ILRUN: variants seen among roughly 807,000 people sequenced by gnomAD.
ILRUN encodes the protein inflammation and lipid regulator with UBA-like and NBR1-like domains.
Under a neutral mutation model 33.8 loss-of-function variants are expected in ILRUN, and 3 were observed. The observed-to-expected ratio is 0.09, with a 90% CI of 0.04 to 0.23. ILRUN has a LOEUF of 0.23. Ranked by LOEUF, ILRUN falls within the 10% of genes least tolerant of loss-of-function variation. The probability of loss-of-function intolerance (pLI) is 1.00; values close to 1 mark genes in which losing one functional copy is unlikely to be tolerated. For synonymous variants in ILRUN, 124 were observed against 138.9 expected, an observed-to-expected ratio of 0.89 and a Z score of 0.75; for missense variants, 210 against 375.1, an observed-to-expected ratio of 0.56 and a Z score of 3.64.
At chr6:34,605,665 G>C (rs1404245942) in intron 4 of ILRUN, among the ~76,000 whole-genome samples, 1 of 152,004 alleles carries the variant, frequency 6.6e-6, no homozygotes, top group Non-Finnish European at 1.5e-5. Context: ...TAAAACTACT[G>C]GTCAGAAAAA....
chr6:34,643,319 G>A (rs541788244), intron 3 of ILRUN, among the ~76,000 whole-genome samples: 6 of 140,222 alleles, frequency 4.3e-5, no homozygotes, highest in Admixed American at 6.9e-5. Context: ...AAAAAAGTGC[G>A]TGTGTGTGTG....
intron 1 of ILRUN, among the ~76,000 whole-genome samples, chr6:34,673,262 C>T (rs1763153398): frequency 6.6e-6 from 1 of 151,970 alleles, no homozygotes; most frequent in Admixed American, 6.6e-5. Context: ...TAAAAGAAAC[C>T]CCAGGGGTGA....
chr6:34,683,453 C>CACATATATATATACAT (rs1763429748), intron 1 of ILRUN, among the ~76,000 whole-genome samples: 1 of 96,614 alleles, frequency 1.0e-5, no homozygotes, highest in Admixed American at 1.1e-4. Flanking sequence ...TATATATATA[C>CACATATATATATACAT]ATATATATAC....
intron 3 of ILRUN, among the ~76,000 whole-genome samples, chr6:34,625,469 AGAGT>A (rs1378792640): frequency 7.9e-5 from 12 of 152,316 alleles, no homozygotes; most frequent in African/African-American, 2.6e-4. Context: ...TCTGATGTGC[AGAGT>A]AGACACATGT....
chr6:34,673,029 A>T (rs1188286533), intron 1 of ILRUN, among the ~76,000 whole-genome samples: 1 of 152,232 alleles, frequency 6.6e-6, no homozygotes. Flanking sequence ...ATATTTCAAC[A>T]TTACCGCTGA....
At chr6:34,676,245 A>C (rs1224563275) in intron 1 of ILRUN, among the ~76,000 whole-genome samples, 2 of 151,950 alleles carry the variant, frequency 1.3e-5, no homozygotes. Flanking sequence ...CTCTACAAAA[A>C]AAAAAATGCT....
intron 4 of ILRUN, among the ~76,000 whole-genome samples, chr6:34,593,948 G>A (rs1761345044): frequency 6.6e-6 from 1 of 152,110 alleles, no homozygotes; most frequent in Non-Finnish European, 1.5e-5. Context: ...GACCATCGCG[G>A]TACCTTCTGG....
chr6:34,602,381 A>G (rs531400537), intron 4 of ILRUN, among the ~76,000 whole-genome samples: 1 of 152,234 alleles, frequency 6.6e-6, no homozygotes, highest in Non-Finnish European at 1.5e-5. Context: ...AATTACTGGC[A>G]TATAAGAAAA....
At chr6:34,648,067 C>G (rs1258290751) in intron 2 of ILRUN, among the ~76,000 whole-genome samples, 1 of 152,162 alleles carries the variant, frequency 6.6e-6, no homozygotes, top group Non-Finnish European at 1.5e-5. Flanking sequence ...GACTAGTTCC[C>G]ACTAGTCAAG....
chr6:34,667,915 A>G (rs1763037116), intron 1 of ILRUN, among the ~76,000 whole-genome samples: 1 of 152,212 alleles, frequency 6.6e-6, no homozygotes, highest in Admixed American at 6.5e-5. Flanking sequence ...CATTAAAAAA[A>G]GGAAGGTTGT....
chr6:34,663,939 AAG>A (rs551485608), intron 1 of ILRUN, among the ~76,000 whole-genome samples: 1 of 152,176 alleles, frequency 6.6e-6, no homozygotes, highest in South Asian at 2.1e-4. Context: ...TCACTTCCTT[AAG>A]AGTGGAAGAG....
chr6:34,608,460 G>A (rs2814976), intron 3 of ILRUN, among the ~76,000 whole-genome samples: 67,699 of 151,984 alleles, frequency 0.45, 17,030 homozygotes, highest in African/African-American at 0.69. Flanking sequence ...AAAAAATGAT[G>A]TACCTGCCTA....
chr6:34,602,374 T>G (rs1052904799), intron 4 of ILRUN, among the ~76,000 whole-genome samples: 7 of 152,188 alleles, frequency 4.6e-5, no homozygotes, highest in African/African-American at 2.4e-5. Flanking sequence ...TTTTAAAAAT[T>G]ACTGGCATAT....
chr6:34,690,178 G>A (rs996271739), intron 1 of ILRUN, among the ~76,000 whole-genome samples: 4 of 151,980 alleles, frequency 2.6e-5, no homozygotes, highest in Admixed American at 6.6e-5. Context: ...ATTAAAATGC[G>A]GGCCGGGCAT....
chr6:34,624,343 G>T (rs75613144), intron 3 of ILRUN, among the ~76,000 whole-genome samples: 2 of 150,026 alleles, frequency 1.3e-5, no homozygotes, highest in Admixed American at 6.6e-5. Context: ...TATTTTTTTT[G>T]ATGAAGTTTC....
At position 34,637,834 on chromosome 6, in the gene ILRUN, C is replaced by CTGTTGT. The variant is rs776588373; in HGVS notation, c.511+8761_511+8766dup. On this transcript the variant is annotated intron_variant, in intron 3 of 4. Coordinates refer to ENST00000374023, the MANE Select transcript of ILRUN (RefSeq NM_024294.4). ...TGAACAGTACAGTCATTTCACATTG[C>CTGTTGT]TGTTGTTGTTGCTGCTGCTGCTGCT... Among the ~76,000 whole-genome samples the CTGTTGT allele has an allele frequency of 3.3e-3, 492 of 148,434 alleles. 4 individuals are homozygous for CTGTTGT. Among genetic ancestry groups the CTGTTGT allele is most frequent in the African/African-American group, 0.012 (465 of 39,686 alleles).
Position 34,620,126 on chromosome 6 carries a change from G to A in ILRUN, c.512-13222C>T, listed in dbSNP as rs538187674. ...GAATAAAAATGAGTACCCTATAGCAGGAGGATGGGACTAGCTGAAGGGGGC... is the reference window on the plus strand; with the variant it reads ...GAATAAAAATGAGTACCCTATAGCAAGAGGATGGGACTAGCTGAAGGGGGC... On this transcript the variant is annotated intron_variant, in intron 3 of 4. Coordinates refer to ENST00000374023, the MANE Select transcript of ILRUN (RefSeq NM_024294.4). 2.0e-5 allele frequency among the ~76,000 whole-genome samples: 3 copies of A among 152,218 alleles called. No homozygotes were observed. The South Asian group carries it at 6.2e-4, about 32-fold the overall frequency.
intron 1 of ILRUN, among the ~76,000 whole-genome samples, chr6:34,660,900 T>TA (rs911405829): frequency 5.1e-4 from 77 of 152,328 alleles, no homozygotes; most frequent in African/African-American, 1.8e-3. Flanking sequence ...ACTGTCAACC[T>TA]AAAAATGTAC....
Position 34,696,753 on chromosome 6 carries a change from G to T in ILRUN, c.-150C>A. Reference sequence around the variant, plus strand: ...CCCCGGGCCTCTCACAGTCTCATAGGGGTAAACTCACTCTGCCACTCACTC... The same window carrying T: ...CCCCGGGCCTCTCACAGTCTCATAGTGGTAAACTCACTCTGCCACTCACTC... On this transcript the variant is annotated 5_prime_UTR_variant, in exon 1 of 5. Coordinates refer to ENST00000374023, the MANE Select transcript of ILRUN (RefSeq NM_024294.4). 2 of 627,902 alleles carry T rather than the reference G, an allele frequency of 3.2e-6. No individual in the cohort carries two copies. The highest frequency in any genetic ancestry group is 4.2e-5 in the South Asian group (2 of 47,508). The allele number at this position is 627,902 out of a possible 1,614,324, so 38.9% of individuals were successfully genotyped here. A position where few individuals can be genotyped will look rare whatever the true frequency, so the allele number is the denominator to read the frequency against.
Sources: gnomAD v4.1 joint callset for allele counts (sites outside exome capture counted in the v4.1 genomes callset) on GRCh38, gnomAD v4.1.1 for gene constraint, MANE v1.5 for transcripts, NCBI Gene and HGNC (gene_info 2026-07-23, HGNC 2026-07-21) for gene names.